KCNH5: variants seen among roughly 807,000 people sequenced by gnomAD.
KCNH5 encodes the protein potassium voltage-gated channel subfamily H member 5.
KCNH5 carries 46 observed loss-of-function variants against 96.1 expected under a neutral mutation model. That is an observed-to-expected ratio of 0.48 (90% confidence interval 0.38 to 0.61). The LOEUF (loss-of-function observed/expected upper bound fraction) is 0.61, where lower values mean the gene tolerates loss of function less well. Ranked by LOEUF, KCNH5 falls within the 20% of genes least tolerant of loss-of-function variation. The pLI, the probability that KCNH5 is intolerant of heterozygous loss-of-function variation, is 0.00. For missense variants in KCNH5, 907 were observed against 1,225.8 expected (o/e 0.74, Z 3.88); for synonymous variants, 439 against 449.8 (o/e 0.98, Z 0.30).
chr14:62,871,281 A>C (rs1215250264), intron 7 of KCNH5, among the ~76,000 whole-genome samples: 1 of 152,164 alleles, frequency 6.6e-6, no homozygotes, highest in African/African-American at 2.4e-5. Flanking sequence ...TCAGTGTCAC[A>C]AATGCTACAT....
chr14:62,852,075 A>G (rs1274627766), intron 7 of KCNH5, among the ~76,000 whole-genome samples: 2 of 152,220 alleles, frequency 1.3e-5, no homozygotes, highest in East Asian at 3.8e-4. Flanking sequence ...TCATTATTTT[A>G]TGAACACATA....
chr14:62,989,106 T>C (rs1164651038), intron 4 of KCNH5, among the ~76,000 whole-genome samples: 2 of 152,038 alleles, frequency 1.3e-5, no homozygotes, highest in African/African-American at 4.8e-5. Context: ...GAATCTCCTC[T>C]CTGCACCCCT....
chr14:62,729,851 G>A (rs1462406131), intron 10 of KCNH5, among the ~76,000 whole-genome samples: 1 of 152,158 alleles, frequency 6.6e-6, no homozygotes, highest in Non-Finnish European at 1.5e-5. Flanking sequence ...TAGAAGTGAA[G>A]CACCAGTACA....
chr14:62,888,467 C>T (rs1888641742), intron 7 of KCNH5, among the ~76,000 whole-genome samples: 1 of 152,172 alleles, frequency 6.6e-6, no homozygotes, highest in African/African-American at 2.4e-5. Context: ...ATTTGAATTA[C>T]ACCTAACCTG....
chr14:62,921,544 T>C (rs547810138), intron 7 of KCNH5, among the ~76,000 whole-genome samples: 1 of 152,228 alleles, frequency 6.6e-6, no homozygotes, highest in Non-Finnish European at 1.5e-5. Flanking sequence ...TTTTATCAAA[T>C]TATGAATCAC....
At chr14:62,776,351 C>A (rs1487052354) in intron 10 of KCNH5, among the ~76,000 whole-genome samples, 2 of 152,052 alleles carry the variant, frequency 1.3e-5, no homozygotes, top group African/African-American at 4.8e-5. Flanking sequence ...TCCCACCTCC[C>A]ATCTCTCTAC....
rs1305821520 is a variant in KCNH5 at position 62,704,275 on chromosome 14, C to T, written c.*3233G>A. The stretch of plus-strand genomic sequence containing the variant: ...GTCCTATACTTAATGCAAGATGCAA[C>T]TAGTGTCATAAAAATTTTCCATTTT... On this transcript the variant is annotated 3_prime_UTR_variant, in exon 11 of 11. Transcript: ENST00000322893. The T allele has an allele frequency of 6.6e-6, 1 of 151,862 alleles. No individual in the cohort carries two copies. 9.4% of individuals were successfully genotyped at this position (151,862 alleles called of 1,614,324 possible).
intron 10 of KCNH5, among the ~76,000 whole-genome samples, chr14:62,731,552 C>A (rs529620550): frequency 1.3e-5 from 2 of 152,208 alleles, no homozygotes; most frequent in African/African-American, 4.8e-5. Context: ...ATTTGAACCT[C>A]ACCTGAATTC....
At chr14:62,890,524 T>C (rs963356539) in intron 7 of KCNH5, among the ~76,000 whole-genome samples, 5 of 142,932 alleles carry the variant, frequency 3.5e-5, no homozygotes, top group African/African-American at 1.3e-4. Context: ...TGAAACCCCG[T>C]CTCTACTAAA....
At chr14:63,027,614 A>G (rs1380999942) in intron 1 of KCNH5, among the ~76,000 whole-genome samples, 1 of 27,850 alleles carries the variant, frequency 3.6e-5, no homozygotes, top group Admixed American at 5.0e-4. Context: ...ATTTTGAAAA[A>G]TGGTATTGAA....
chr14:62,796,533 A>G (rs574727873), intron 9 of KCNH5, among the ~76,000 whole-genome samples: 1 of 152,272 alleles, frequency 6.6e-6, no homozygotes, highest in African/African-American at 2.4e-5. Flanking sequence ...TTAGATAGAG[A>G]TTGTCTTAGT....
intron 9 of KCNH5, 90 bp from the exon 10 acceptor site, chr14:62,780,014 C>G (rs1347737749): frequency 2.8e-6 from 3 of 1,063,570 alleles, no homozygotes; most frequent in Non-Finnish European, 3.9e-6. Context: ...CAGTATTGAC[C>G]TTCTAGCATA....
At chr14:62,717,116 A>G (rs1477153921) in intron 10 of KCNH5, among the ~76,000 whole-genome samples, 1 of 152,186 alleles carries the variant, frequency 6.6e-6, no homozygotes, top group African/African-American at 2.4e-5. Context: ...TAGAAAAACT[A>G]CAAAACATAG....
chr14:62,794,345 AATTTCAAAATTCT>A (rs919623007), intron 9 of KCNH5, among the ~76,000 whole-genome samples: 1 of 152,018 alleles, frequency 6.6e-6, no homozygotes, highest in African/African-American at 2.4e-5. Flanking sequence ...GTTGTACTAT[AATTTCAAAATTCT>A]ATTTCAAAAT....
intron 3 of KCNH5, 145 bp downstream of exon 3, chr14:63,006,221 C>T (rs1342836863): frequency 1.4e-5 from 6 of 427,814 alleles, no homozygotes; most frequent in Non-Finnish European, 2.5e-5. Context: ...ATTTTATTAT[C>T]TAATTTCACC....
intron 7 of KCNH5, among the ~76,000 whole-genome samples, chr14:62,932,664 T>G (rs900925452): frequency 6.6e-6 from 1 of 151,998 alleles, no homozygotes; most frequent in Non-Finnish European, 1.5e-5. Context: ...AACGAATCCA[T>G]AGAAAGATAC....
chr14:62,833,378 C>A (rs1279456683), intron 8 of KCNH5, among the ~76,000 whole-genome samples: 1 of 151,904 alleles, frequency 6.6e-6, no homozygotes, highest in African/African-American at 2.4e-5. Context: ...TTTCCCAATA[C>A]CATTTATTTA....
rs182123579 is a variant in KCNH5, at chr14:62,783,263, G to A, written c.1823-3339C>T. 1.7e-3 allele frequency among the ~76,000 whole-genome samples: 253 copies of A among 152,222 alleles called. 2 individuals are homozygous for A. Among genetic ancestry groups the A allele is most frequent in the African/African-American group, 5.1e-3 (211 of 41,520 alleles). ...CATCAAAATGGTAGGTCCTCTCTGCGTTATGGAACAATGTATGGTTTTTAT... is the reference window on the plus strand; with the variant it reads ...CATCAAAATGGTAGGTCCTCTCTGCATTATGGAACAATGTATGGTTTTTAT... On this transcript the variant is annotated intron_variant, in intron 9 of 10. Coordinates refer to ENST00000322893, the MANE Select transcript of KCNH5 (RefSeq NM_139318.5).
chr14:62,903,842 T>A (rs1224119719), intron 7 of KCNH5, among the ~76,000 whole-genome samples: 3 of 152,108 alleles, frequency 2.0e-5, no homozygotes, highest in East Asian at 3.8e-4. Flanking sequence ...TGATTACTGA[T>A]GCTATTACAG....
Sources: allele counts gnomAD v4.1 joint callset (sites outside exome capture counted in the v4.1 genomes callset), GRCh38; gene constraint gnomAD v4.1.1; transcripts MANE v1.5; gene names NCBI Gene and HGNC (gene_info 2026-07-23, HGNC 2026-07-21).